Variants in NUTM2B observed in about 807,000 individuals in gnomAD.
NUTM2B encodes NUT family member 2B.
A neutral mutation model predicts 42.4 loss-of-function variants in NUTM2B; 2 were observed. The ratio of observed to expected loss-of-function variants is 0.05; its 90% CI spans 0.02 to 0.15. The LOEUF (loss-of-function observed/expected upper bound fraction) is 0.15. Among genes scored for constraint, NUTM2B ranks in the 10% least tolerant of loss-of-function variants. The pLI, the probability that NUTM2B is intolerant of heterozygous loss-of-function variation, is 1.00. For synonymous variants in NUTM2B, 18 were observed against 402.4 expected (o/e 0.04, Z 11.43); for missense variants, 58 against 952.6 (o/e 0.06, Z 12.36).
upstream of NUTM2B, among the ~76,000 whole-genome samples, chr10:79,699,473 C>T (rs1260603962): frequency 2.6e-5 from 4 of 152,190 alleles, no homozygotes; most frequent in South Asian, 2.1e-4. Flanking sequence ...AATGGAGTCT[C>T]GCTCTGTTGC....
the NUTM2B span, among the ~76,000 whole-genome samples, chr10:79,693,323 C>G: frequency 6.6e-6 from 1 of 152,128 alleles, no homozygotes; most frequent in Admixed American, 6.5e-5. Flanking sequence ...TATAGGGCAC[C>G]AGGGCCCAGT....
the NUTM2B span, among the ~76,000 whole-genome samples, chr10:79,693,925 G>A: frequency 8.2e-3 from 1,246 of 152,278 alleles, 14 homozygotes; most frequent in African/African-American, 0.028. Context: ...CCACGAGGAA[G>A]AAAAGGCCAG....
chr10:79,694,005 T>C, the NUTM2B span, among the ~76,000 whole-genome samples: 2 of 152,138 alleles, frequency 1.3e-5, no homozygotes, highest in African/African-American at 2.4e-5. Flanking sequence ...GTGGTGGCTG[T>C]GGGGTCAGCA....
upstream of NUTM2B, among the ~76,000 whole-genome samples, chr10:79,700,881 G>A (rs1248455286): frequency 2.6e-5 from 4 of 152,210 alleles, no homozygotes; most frequent in African/African-American, 9.6e-5. Flanking sequence ...ATGGAGGGAC[G>A]CGGCACCTGG....
chr10:79,693,721 TA>T, the NUTM2B span, among the ~76,000 whole-genome samples: 1 of 152,062 alleles, frequency 6.6e-6, no homozygotes, highest in East Asian at 1.9e-4. Flanking sequence ...TTTTAAGACA[TA>T]TATTATAAAA....
At chr10:79,697,025 AAAGTC>A in the NUTM2B span, among the ~76,000 whole-genome samples, 2 of 116,400 alleles carry the variant, frequency 1.7e-5, no homozygotes, top group African/African-American at 6.8e-5. Flanking sequence ...TTTGTGCAGC[AAAGTC>A]AAGAACCTGA....
the NUTM2B span, among the ~76,000 whole-genome samples, chr10:79,696,320 C>T: frequency 6.6e-6 from 1 of 152,082 alleles, no homozygotes; most frequent in African/African-American, 2.4e-5. Flanking sequence ...ATGTGCTGTG[C>T]CCAATGGCTA....
upstream of NUTM2B, among the ~76,000 whole-genome samples, chr10:79,698,318 C>T (rs560726263): frequency 3.4e-3 from 517 of 152,246 alleles, 2 homozygotes; most frequent in Non-Finnish European, 6.0e-3. Flanking sequence ...GCTACATCTC[C>T]GGAATACAAC....
the NUTM2B span, among the ~76,000 whole-genome samples, chr10:79,694,351 T>A: frequency 6.7e-6 from 1 of 148,856 alleles, no homozygotes; most frequent in African/African-American, 2.5e-5. Flanking sequence ...TGAGCCGAGA[T>A]CGTGCCACTG....
At chr10:79,702,403 T>C (rs980919071), upstream of NUTM2B, among the ~76,000 whole-genome samples, 17 of 149,560 alleles carry the variant, frequency 1.1e-4, no homozygotes, top group African/African-American at 3.9e-4. Context: ...ATGGGGATAT[T>C]GGACAGGAGT....
chr10:79,701,292 A>C (rs1840309900), upstream of NUTM2B, among the ~76,000 whole-genome samples: 1 of 152,106 alleles, frequency 6.6e-6, no homozygotes, highest in Admixed American at 6.5e-5. Context: ...GATTTCTAGA[A>C]ATGTTTTTGT....
At chr10:79,693,693 A>G in the NUTM2B span, among the ~76,000 whole-genome samples, 2 of 152,232 alleles carry the variant, frequency 1.3e-5, no homozygotes, top group Non-Finnish European at 2.9e-5. Flanking sequence ...TCTACCTGGT[A>G]TACATTACAG....
chr10:79,693,185 C>G, the NUTM2B span, among the ~76,000 whole-genome samples: 3 of 152,196 alleles, frequency 2.0e-5, no homozygotes, highest in African/African-American at 7.2e-5. Flanking sequence ...CTGGTCTTGC[C>G]CGCTGAGTCT....
the NUTM2B span, among the ~76,000 whole-genome samples, chr10:79,696,072 C>A: frequency 6.8e-6 from 1 of 147,106 alleles, no homozygotes; most frequent in Non-Finnish European, 1.5e-5. Flanking sequence ...ACATAGAATC[C>A]CCAGAATACA....
chr10:79,698,270 G>A (rs906430130), upstream of NUTM2B, among the ~76,000 whole-genome samples: 7 of 151,790 alleles, frequency 4.6e-5, no homozygotes, highest in Non-Finnish European at 8.8e-5. Context: ...CCCAATCCCT[G>A]AGTGTATAAA....
chr10:79,693,020 G>A, the NUTM2B span, among the ~76,000 whole-genome samples: 1 of 152,178 alleles, frequency 6.6e-6, no homozygotes, highest in African/African-American at 2.4e-5. Flanking sequence ...TGTGTGTAGA[G>A]GGGCTTCATA....
chr10:79,699,615 G>C (rs1489079331), upstream of NUTM2B, among the ~76,000 whole-genome samples: 1 of 152,184 alleles, frequency 6.6e-6, no homozygotes, highest in Non-Finnish European at 1.5e-5. Flanking sequence ...GCTAATTTTT[G>C]TATTTTTAGT....
At chr10:79,695,119 C>T in the NUTM2B span, among the ~76,000 whole-genome samples, 4 of 152,114 alleles carry the variant, frequency 2.6e-5, no homozygotes, top group Non-Finnish European at 5.9e-5. Flanking sequence ...GTGTGCTCCC[C>T]ACCACTTCCT....
chr10:79,702,267 G>A (rs1840326042), upstream of NUTM2B, among the ~76,000 whole-genome samples: 1 of 152,120 alleles, frequency 6.6e-6, no homozygotes, highest in South Asian at 2.1e-4. Flanking sequence ...GAGGACAAAA[G>A]GCCTGGGAGC....
Sources: allele counts gnomAD v4.1 joint callset (sites outside exome capture counted in the v4.1 genomes callset), GRCh38; gene constraint gnomAD v4.1.1; transcripts MANE v1.5; gene names NCBI Gene and HGNC (gene_info 2026-07-23, HGNC 2026-07-21).